Variants in LARP4B observed in about 807,000 individuals in gnomAD.
The protein encoded by LARP4B is La ribonucleoprotein 4B.
Under a neutral mutation model 89.8 loss-of-function variants are expected in LARP4B, and 12 were observed. The ratio of observed to expected loss-of-function variants is 0.13; its 90% CI spans 0.09 to 0.22. The LOEUF is 0.22. LARP4B is among the 10% of genes least tolerant of loss of function. The pLI, the probability that LARP4B is intolerant of heterozygous loss-of-function variation, is 1.00. For synonymous variants in LARP4B, 367 were observed against 363.3 expected (o/e 1.01, Z -0.12); for missense variants, 757 against 947.7 (o/e 0.80, Z 2.64).
chr10:959,468 T>C, the LARP4B span, among the ~76,000 whole-genome samples: 1 of 10,538 alleles, frequency 9.5e-5, no homozygotes, highest in Non-Finnish European at 2.0e-4. Flanking sequence ...TCAATCCACC[T>C]CCCCGTCAAC....
At chr10:956,153 G>C in the LARP4B span, among the ~76,000 whole-genome samples, 1 of 152,040 alleles carries the variant, frequency 6.6e-6, no homozygotes, top group Non-Finnish European at 1.5e-5. The surrounding 1 kb of genome is among the most constrained non-coding windows in gnomAD (Gnocchi z 4.3). Flanking sequence ...ATGACTCCAC[G>C]AACCCTGACA....
intron 5 of LARP4B, 31 bp downstream of exon 5, chr10:863,712 C>T: frequency 1.3e-6 from 2 of 1,563,058 alleles, no homozygotes; most frequent in South Asian, 2.4e-5. Flanking sequence ...CCCATATTCC[C>T]TGGGAAAATG....
upstream of LARP4B, among the ~76,000 whole-genome samples, chr10:933,693 T>C (rs904878751): frequency 4.6e-5 from 7 of 152,346 alleles, no homozygotes; most frequent in Middle Eastern, 3.4e-3. Flanking sequence ...CCCTGACCAG[T>C]AGGCCATAGT....
chr10:862,025 T>C lies in LARP4B; in HGVS notation c.430+1718A>G, dbSNP rs577491281. On this transcript the variant is annotated intron_variant, in intron 5 of 17. Transcript: ENST00000316157. ...CAATGTTCTGCCATTCCCAAGTCAC[T>C]AACCAGTTACTGGTGAATTAACAAG... Among the ~76,000 whole-genome samples, 3 of 152,266 alleles carry C rather than the reference T, an allele frequency of 2.0e-5. No individual in the cohort carries two copies. The East Asian group carries it at 5.8e-4, about 29-fold the overall frequency.
chr10:976,721 G>C, the LARP4B span, among the ~76,000 whole-genome samples: 526 of 146,834 alleles, frequency 3.6e-3, 3 homozygotes, highest in African/African-American at 0.014. Context: ...GTCATGTAAT[G>C]TGTGGCCTGG....
chr10:812,865 G>T lies in LARP4B; in HGVS notation c.*61C>A. The T allele has an allele frequency of 6.8e-7, 1 of 1,461,434 alleles. No homozygotes were observed. Among genetic ancestry groups the T allele is most frequent in the South Asian group, 1.4e-5 (1 of 69,752 alleles). 90.5% of individuals were successfully genotyped at this position (1,461,434 alleles called of 1,614,324 possible). On this transcript the variant is annotated 3_prime_UTR_variant, in exon 18 of 18. Coordinates refer to ENST00000316157, the MANE Select transcript of LARP4B (RefSeq NM_015155.3). ...CCAGCGGCTCGCCCTCGCACTGAGT[G>T]GGAGAGTGTCTCGTTTGTGGTTAAC... is the stretch of plus-strand genomic sequence containing the variant.
At chr10:972,784 C>T in the LARP4B span, 11 of 456,796 alleles carry the variant, frequency 2.4e-5, no homozygotes, top group South Asian at 1.7e-4. Context: ...AAAGAAGATG[C>T]AGCCCCAGGT....
In LARP4B at chr10:924,994, C is replaced by T. The variant is rs74116999; in HGVS notation, c.-40+6434G>A. On this transcript the variant is annotated intron_variant, in intron 1 of 17. Coordinates refer to ENST00000316157, the MANE Select transcript of LARP4B (RefSeq NM_015155.3). The stretch of plus-strand genomic sequence containing the variant: ...GAGTTTACATTCAAGTATGAGAAGA[C>T]GGGCCATACATAAATTAGTAAGTAA... Among the ~76,000 whole-genome samples the T allele has an allele frequency of 2.9e-3, 441 of 152,232 alleles. 5 individuals are homozygous for T. The highest frequency in any genetic ancestry group is 0.01 in the African/African-American group (419 of 41,522).
intron 1 of LARP4B, among the ~76,000 whole-genome samples, chr10:909,589 A>G (rs1212413624): frequency 1.3e-5 from 2 of 152,006 alleles, no homozygotes; most frequent in Non-Finnish European, 2.9e-5. Context: ...GTTTGAGACC[A>G]GCCTGGCCAA....
the LARP4B span, chr10:971,562 T>G: frequency 2.0e-5 from 3 of 152,246 alleles, no homozygotes; most frequent in Non-Finnish European, 4.4e-5. Flanking sequence ...TTGTTTTGCA[T>G]AATCTGTTTT....
intron 3 of LARP4B, among the ~76,000 whole-genome samples, chr10:878,798 T>A (rs1835560481): frequency 6.6e-6 from 1 of 152,234 alleles, no homozygotes; most frequent in Admixed American, 6.5e-5. Context: ...AGTTGATTTA[T>A]AAATCTACTA....
intron 1 of LARP4B, among the ~76,000 whole-genome samples, chr10:921,203 G>A (rs140133882): frequency 0.01 from 1,528 of 152,056 alleles, 21 homozygotes; most frequent in African/African-American, 0.033. Flanking sequence ...AACCCAGGAG[G>A]TGGAGGTTGC....
chr10:832,057 T>G (rs1832933437), intron 8 of LARP4B, among the ~76,000 whole-genome samples: 1 of 152,230 alleles, frequency 6.6e-6, no homozygotes, highest in Admixed American at 6.5e-5. Context: ...TATTTATTTA[T>G]TTTTGAGACG....
chr10:845,387 CA>C (rs1328805013), intron 5 of LARP4B, among the ~76,000 whole-genome samples: 1 of 152,230 alleles, frequency 6.6e-6, no homozygotes, highest in East Asian at 1.9e-4. Flanking sequence ...GTAACCTACA[CA>C]AACACAAACC....
chr10:845,680 G>A (rs149872523), intron 5 of LARP4B, among the ~76,000 whole-genome samples: 8 of 152,348 alleles, frequency 5.3e-5, no homozygotes, highest in Admixed American at 4.6e-4. Context: ...AGGGCATGGT[G>A]TGTGTGGTCA....
At chr10:980,422 G>A in the LARP4B span, among the ~76,000 whole-genome samples, 1,155 of 152,330 alleles carry the variant, frequency 7.6e-3, 19 homozygotes, top group African/African-American at 0.026. Flanking sequence ...GAGGTTCTCT[G>A]TGAGGGCTCT....
chr10:916,694 T>C (rs772033345), intron 1 of LARP4B, among the ~76,000 whole-genome samples: 11 of 152,164 alleles, frequency 7.2e-5, no homozygotes, highest in Non-Finnish European at 1.6e-4. Flanking sequence ...AAACTCCGTC[T>C]CAAAACAAAC....
intron 1 of LARP4B, among the ~76,000 whole-genome samples, chr10:925,410 A>G (rs750947899): frequency 6.6e-6 from 1 of 152,226 alleles, no homozygotes; most frequent in Non-Finnish European, 1.5e-5. Context: ...AACATCCACT[A>G]AAGTTTAAAA....
chr10:941,041 C>T, the LARP4B span, among the ~76,000 whole-genome samples: 1 of 152,044 alleles, frequency 6.6e-6, no homozygotes, highest in Non-Finnish European at 1.5e-5. Flanking sequence ...ACGAGGAGGT[C>T]AGGTTGTTTG....
Sources: gnomAD v4.1 joint callset for allele counts (sites outside exome capture counted in the v4.1 genomes callset) on GRCh38, gnomAD v4.1.1 for gene constraint, Gnocchi (gnomAD v3.1) non-coding constraint, MANE v1.5 for transcripts, NCBI Gene and HGNC (gene_info 2026-07-23, HGNC 2026-07-21) for gene names.